The following MAP3K19 variants were observed in gnomAD, a reference collection of about 807,000 sequenced individuals.
MAP3K19 encodes mitogen-activated protein kinase kinase kinase 19, also known as SPS1/STE20-related protein kinase YSK4.
MAP3K19 carries 91 observed loss-of-function variants against 114.4 expected under a neutral mutation model. The ratio of observed to expected loss-of-function variants is 0.80; its 90% confidence interval spans 0.67 to 0.95. MAP3K19 has a LOEUF of 0.95. Among genes scored for constraint, MAP3K19 ranks in the 40% least tolerant of loss-of-function variants. MAP3K19 has a pLI of 0.00. For synonymous variants in MAP3K19, 518 were observed against 530.5 expected (o/e 0.98, Z 0.32); for missense variants, 1,471 against 1,573.2 (o/e 0.94, Z 1.10).
Position 134,999,963 on chromosome 2 carries a change from C to T in MAP3K19, c.288G>A (p.Met96Ile). 2 of 1,611,428 alleles carry T rather than the reference C, an allele frequency of 1.2e-6. No homozygotes were observed. The highest frequency in any genetic ancestry group is 1.7e-6 in the Non-Finnish European group (2 of 1,177,602). Residue 96 changes from methionine (M) to isoleucine (I), a missense_variant, in exon 7 of 13, where the codon ATG becomes ATA. By Grantham distance (10) the Met-to-Ile change is conservative (BLOSUM62 1). Coordinates refer to ENST00000392915, the MANE Select transcript of MAP3K19 (RefSeq NM_025052.5). The surrounding 1 kb of genome is among the most constrained non-coding windows in gnomAD (Gnocchi z 4.1). ...FPRDVSPPQE[M>I]SQEDLKEKNL... is the part of the protein sequence containing the mutation. ...TCTTTTCTTTTAAGTCTTCTTGGCTCATTTCTTGGGGAGGACTGACATCTC... is the reference window on the plus strand; with the variant it reads ...TCTTTTCTTTTAAGTCTTCTTGGCTTATTTCTTGGGGAGGACTGACATCTC...
chr2:134,979,956 C>T (rs1485129917), intron 12 of MAP3K19, among the ~76,000 whole-genome samples: 1 of 152,144 alleles, frequency 6.6e-6, no homozygotes, highest in Non-Finnish European at 1.5e-5. Context: ...GCCATATGTG[C>T]TTGCTAAAAG....
chr2:135,002,520 T>C (rs1239382529), intron 6 of MAP3K19, among the ~76,000 whole-genome samples: 1 of 152,094 alleles, frequency 6.6e-6, no homozygotes, highest in African/African-American at 2.4e-5. Context: ...GATGTGCATA[T>C]CTGTCTGGAT....
chr2:135,032,439 A>G (rs1294839394), intron 2 of MAP3K19, among the ~76,000 whole-genome samples: 1 of 151,712 alleles, frequency 6.6e-6, no homozygotes, highest in Admixed American at 6.6e-5. Context: ...CCTATGATCC[A>G]GCAATTCCAC....
At chr2:134,996,143 G>A (rs972797241) in intron 8 of MAP3K19, among the ~76,000 whole-genome samples, 1 of 151,996 alleles carries the variant, frequency 6.6e-6, no homozygotes, top group African/African-American at 2.4e-5. Context: ...ACTTTTTTTA[G>A]AGGTGGAGTC....
intron 5 of MAP3K19, among the ~76,000 whole-genome samples, chr2:135,015,624 G>A (rs1273669400): frequency 6.6e-6 from 1 of 152,170 alleles, no homozygotes; most frequent in African/African-American, 2.4e-5. Flanking sequence ...GCCGGGCACA[G>A]TGGCTCATGC....
chr2:134,966,610 G>A (rs188588923), intron 12 of MAP3K19, among the ~76,000 whole-genome samples: 147 of 152,296 alleles, frequency 9.7e-4, no homozygotes, highest in African/African-American at 3.3e-3. Flanking sequence ...AATCCTTAGA[G>A]GTTGGGAACT....
At chr2:134,968,113 C>T (rs942211552) in intron 12 of MAP3K19, among the ~76,000 whole-genome samples, 34 of 152,160 alleles carry the variant, frequency 2.2e-4, no homozygotes, top group African/African-American at 5.1e-4. Context: ...CATCTTGCAC[C>T]GCCCCTAATC....
intron 12 of MAP3K19, among the ~76,000 whole-genome samples, chr2:134,974,231 C>T (rs1165086609): frequency 1.3e-5 from 2 of 152,152 alleles, no homozygotes; most frequent in South Asian, 2.1e-4. Context: ...AAACTCCCGA[C>T]TTTAGGTGAT....
chr2:134,974,945 T>C (rs985149565), intron 12 of MAP3K19, among the ~76,000 whole-genome samples: 2 of 152,234 alleles, frequency 1.3e-5, no homozygotes, highest in Non-Finnish European at 2.9e-5. Context: ...GTGGTCTTAG[T>C]ATAATTTCTT....
intron 5 of MAP3K19, among the ~76,000 whole-genome samples, chr2:135,011,666 G>GTTGT (rs58467283): frequency 0.14 from 21,289 of 150,170 alleles, 2,948 homozygotes; most frequent in African/African-American, 0.37. Context: ...AGAGTTTGAT[G>GTTGT]TTGTTTGTTT....
intron 12 of MAP3K19, among the ~76,000 whole-genome samples, chr2:134,971,394 C>T (rs944936487): frequency 5.3e-5 from 8 of 151,892 alleles, no homozygotes; most frequent in African/African-American, 1.9e-4. Flanking sequence ...TTGTGGTTTT[C>T]GCATCCTTGT....
At chr2:134,972,907 C>T (rs1683974756) in intron 12 of MAP3K19, among the ~76,000 whole-genome samples, 1 of 152,148 alleles carries the variant, frequency 6.6e-6, no homozygotes, top group African/African-American at 2.4e-5. Context: ...CATTCAGGAA[C>T]ATGTTGTTTA....
At chr2:134,978,858 C>G (rs1272978666) in intron 12 of MAP3K19, among the ~76,000 whole-genome samples, 1 of 152,130 alleles carries the variant, frequency 6.6e-6, no homozygotes, top group Admixed American at 6.5e-5. Flanking sequence ...TCCCAAAGAC[C>G]CTTTTCTTTA....
chr2:134,977,356 A>ATTTTTTTT lies in MAP3K19; in HGVS notation c.3920+3457_3920+3464dup, dbSNP rs774277347. Among the ~76,000 whole-genome samples, 124 of 86,830 alleles carry ATTTTTTTT rather than the reference A, an allele frequency of 1.4e-3. 4 individuals are homozygous for ATTTTTTTT. Among genetic ancestry groups the ATTTTTTTT allele is most frequent in the African/African-American group, 3.7e-3 (74 of 20,124 alleles). 57.0% of individuals were successfully genotyped at this position (86,830 alleles called of 152,430 possible). On this transcript the variant is annotated intron_variant, in intron 12 of 12. Transcript: ENST00000392915. The stretch of plus-strand genomic sequence containing the variant: ...ACAACCATGACTTGCTAATTTTTAA[A>ATTTTTTTT]TTTTTTTTTTTTTTTTTTTTTTTTG...
intron 5 of MAP3K19, among the ~76,000 whole-genome samples, chr2:135,011,185 A>G (rs550840923): frequency 2.7e-4 from 41 of 152,320 alleles, no homozygotes; most frequent in Non-Finnish European, 2.8e-4. Flanking sequence ...TTCTCCCTCA[A>G]AAAGGAGTTT....
intron 12 of MAP3K19, among the ~76,000 whole-genome samples, chr2:134,975,355 G>C (rs1045797528): frequency 1.3e-5 from 2 of 152,152 alleles, no homozygotes; most frequent in Non-Finnish European, 2.9e-5. Context: ...GGCTGGATGG[G>C]CCGGTCCTCA....
intron 5 of MAP3K19, among the ~76,000 whole-genome samples, chr2:135,018,058 G>A (rs1457465436): frequency 4.6e-5 from 7 of 152,208 alleles, no homozygotes; most frequent in Admixed American, 2.0e-4. Flanking sequence ...CTGGGAGGCC[G>A]AGGCAGGCAG....
At chr2:135,044,913 CTTG>C (rs1258892162) in intron 1 of MAP3K19, among the ~76,000 whole-genome samples, 2 of 152,164 alleles carry the variant, frequency 1.3e-5, no homozygotes, top group Non-Finnish European at 2.9e-5. Context: ...TACTCTAGAT[CTTG>C]TTAATTATTT....
At chr2:135,018,635 T>G (rs1221909283) in intron 5 of MAP3K19, among the ~76,000 whole-genome samples, 1 of 152,264 alleles carries the variant, frequency 6.6e-6, no homozygotes, top group Non-Finnish European at 1.5e-5. Flanking sequence ...CCACTGCACC[T>G]GGACCAGATC....
Sources: gnomAD v4.1 joint callset for allele counts (sites outside exome capture counted in the v4.1 genomes callset) on GRCh38, gnomAD v4.1.1 for gene constraint, Gnocchi (gnomAD v3.1) non-coding constraint, MANE v1.5 for transcripts, NCBI Gene and HGNC (gene_info 2026-07-23, HGNC 2026-07-21) for gene names.